Variants in PACRGL observed in about 807,000 individuals in gnomAD.
The protein encoded by PACRGL is PACRG-like protein.
In PACRGL, 38 loss-of-function variants were observed where a neutral mutation model predicts 34.5. The observed-to-expected ratio is 1.10, with a 90% CI of 0.85 to 1.44. PACRGL has a LOEUF of 1.44. Among genes scored for constraint, PACRGL ranks in the 40% most tolerant of loss-of-function variants. PACRGL has a pLI of 0.00. For synonymous variants in PACRGL, 128 were observed against 100.1 expected (o/e 1.28, Z -1.66); for missense variants, 305 against 281.4 (o/e 1.08, Z -0.60).
At chr4:20,705,234 C>T (rs371849989) in intron 3 of PACRGL, among the ~76,000 whole-genome samples, 1 of 152,272 alleles carries the variant, frequency 6.6e-6, no homozygotes, top group African/African-American at 2.4e-5. Flanking sequence ...GTACTAACCT[C>T]CTTTGCCCTC....
Position 20,714,715 on chromosome 4 carries a change from C to T in PACRGL, c.609+1176C>T, listed in dbSNP as rs185135785. On this transcript the variant is annotated intron_variant, in intron 7 of 8. Transcript: ENST00000503585. ...GCCTGGTGGAAATGCAAATCAAAACCACAATGAGATACCATCTCAGACCAA... is the reference window on the plus strand; with the variant it reads ...GCCTGGTGGAAATGCAAATCAAAACTACAATGAGATACCATCTCAGACCAA... Among the ~76,000 whole-genome samples the T allele has an allele frequency of 3.0e-3, 456 of 152,134 alleles. 2 individuals carry two copies. The highest frequency in any genetic ancestry group is 0.01 in the African/African-American group (430 of 41,520).
At chr4:20,764,687 C>CACAA in the PACRGL span, among the ~76,000 whole-genome samples, 14 of 151,174 alleles carry the variant, frequency 9.3e-5, no homozygotes, top group Non-Finnish European at 1.6e-4. Context: ...ATTGGACACA[C>CACAA]ACACACACAC....
downstream of PACRGL, among the ~76,000 whole-genome samples, chr4:20,755,254 A>G (rs1420218216): frequency 1.3e-5 from 2 of 152,180 alleles, no homozygotes; most frequent in African/African-American, 4.8e-5. Flanking sequence ...CGAAAACAAA[A>G]ATTTGTTTTG....
intron 8 of PACRGL, among the ~76,000 whole-genome samples, chr4:20,745,093 A>G (rs1189368044): frequency 1.3e-5 from 2 of 152,274 alleles, no homozygotes; most frequent in African/African-American, 4.8e-5. Context: ...GCTCAACAGG[A>G]GCAATGAATC....
Position 20,712,922 on chromosome 4 carries a change from G to C in PACRGL, c.501G>C (p.Leu167=), listed in dbSNP as rs781638388. The C allele has an allele frequency of 2.6e-6, 4 of 1,548,358 alleles. No homozygotes were observed. The East Asian group carries it at 6.9e-5, about 27-fold the overall frequency. Residue 167 remains leucine, a splice_region_variant and synonymous_variant, in exon 6 of 9, where the codon CTG becomes CTC. Transcript: ENST00000503585. ...TGATTCCTGTGCTAAAGGCAGCTCT[G>C]GTATGTCATTTATTTCATTGTACTT... ...PRLIPVLKAA[L]VHSDDEVFER... is the part of the protein sequence containing the mutation.
chr4:20,749,886 G>A (rs1344852875), intron 8 of PACRGL, among the ~76,000 whole-genome samples: 2 of 152,300 alleles, frequency 1.3e-5, no homozygotes, highest in South Asian at 4.1e-4. Flanking sequence ...TTTCTGTAGA[G>A]GACTAGAGTT....
chr4:20,712,593 C>T (rs1316945495), intron 5 of PACRGL, 195 bp from the exon 6 acceptor site: 2 of 445,250 alleles, frequency 4.5e-6, no homozygotes, highest in East Asian at 3.8e-5. Context: ...AACCAGTTTC[C>T]CTTGGGATAC....
Position 20,730,058 on chromosome 4 carries a change from T to TGGATTCAGGATCTATTTGACAAGTTAA in PACRGL, c.*2718_*2744dup. ...GGTAGAATAGTTCACATTTGTCTGT[T>TGGATTCAGGATCTATTTGACAAGTTAA]GGATTCAGGATCTATTTGACAAGTT... On this transcript the variant is annotated 3_prime_UTR_variant, in exon 9 of 9. Coordinates refer to ENST00000503585, the MANE Select transcript of PACRGL (RefSeq NM_001258345.3). The TGGATTCAGGATCTATTTGACAAGTTAA allele has an allele frequency of 6.2e-7, 1 of 1,601,976 alleles. No individual in the cohort carries two copies. The highest frequency in any genetic ancestry group is 1.3e-5 in the African/African-American group (1 of 74,384).
Position 20,732,202 on chromosome 4 carries a change from C to T in PACRGL, c.*4861C>T. 1.6e-6 allele frequency: 1 copy of T among 639,172 alleles called. No homozygotes were observed. The allele number at this position is 639,172 out of a possible 1,614,324, so 39.6% of individuals were successfully genotyped here. A position where few individuals can be genotyped will look rare whatever the true frequency, so the allele number is the denominator to read the frequency against. On this transcript the variant is annotated 3_prime_UTR_variant, in exon 9 of 9. Coordinates refer to ENST00000503585, the MANE Select transcript of PACRGL (RefSeq NM_001258345.3). ...TTCACGTGGAGGAACTGTTTCAGAG[C>T]AGGAACCAGCAGTTTTTTAGAGATA... is the stretch of plus-strand genomic sequence containing the variant.
chr4:20,701,804 G>A, intron 1 of PACRGL: 1 of 455,762 alleles, frequency 2.2e-6, no homozygotes, highest in Non-Finnish European at 4.4e-6. Flanking sequence ...CCTCCAGTCT[G>A]CTCTCCGTAT....
chr4:20,710,625 A>G (rs969079619), intron 5 of PACRGL, among the ~76,000 whole-genome samples: 1 of 152,124 alleles, frequency 6.6e-6, no homozygotes, highest in Non-Finnish European at 1.5e-5. Context: ...GGTTAATATC[A>G]TTTGCTTTTC....
At chr4:20,698,183 T>A (rs868851313), upstream of PACRGL, among the ~76,000 whole-genome samples, 25 of 152,078 alleles carry the variant, frequency 1.6e-4, no homozygotes, top group South Asian at 2.1e-3. Flanking sequence ...CTGATCAGCA[T>A]CCCAGAGCAA....
chr4:20,718,543 GTTGCTGA>G (rs1359815971), intron 7 of PACRGL, among the ~76,000 whole-genome samples: 1 of 152,130 alleles, frequency 6.6e-6, no homozygotes, highest in African/African-American at 2.4e-5. Context: ...AGCATGAAGG[GTTGCTGA>G]TTTTGACAAA....
At chr4:20,739,312 T>G (rs1265335476) in intron 8 of PACRGL, among the ~76,000 whole-genome samples, 1 of 152,170 alleles carries the variant, frequency 6.6e-6, no homozygotes, top group African/African-American at 2.4e-5. Context: ...CCGAGTAGCA[T>G]AACTGGGAAA....
upstream of PACRGL, among the ~76,000 whole-genome samples, chr4:20,697,373 A>C: frequency 6.6e-6 from 1 of 152,220 alleles, no homozygotes; most frequent in East Asian, 1.9e-4. Flanking sequence ...AATGTAAGTA[A>C]ATAAATAATG....
chr4:20,731,462 A>G lies in PACRGL; in HGVS notation c.*4121A>G, dbSNP rs146831140. 9.7e-4 allele frequency: 951 copies of G among 985,264 alleles called. 11 individuals are homozygous for G. The African/African-American group carries it at 0.016, about 16-fold the overall frequency. 61.0% of individuals were successfully genotyped at this position (985,264 alleles called of 1,614,324 possible). A position where few individuals can be genotyped will look rare whatever the true frequency, so the allele number is the denominator to read the frequency against. On this transcript the variant is annotated 3_prime_UTR_variant, in exon 9 of 9. Coordinates refer to ENST00000503585, the MANE Select transcript of PACRGL (RefSeq NM_001258345.3). Reference sequence around the variant, plus strand: ...CTGGTTTCTTTGATAACAGGCTACTACCTGGAGTTCTCTTCAGAGAAAATT... The same window carrying G: ...CTGGTTTCTTTGATAACAGGCTACTGCCTGGAGTTCTCTTCAGAGAAAATT...
At position 20,729,465 on chromosome 4, in the gene PACRGL, A is replaced by G. The variant is rs1454217437; in HGVS notation, c.*2124A>G. 2 of 131,190 alleles carry G rather than the reference A, an allele frequency of 1.5e-5. No individual in the cohort carries two copies. The highest frequency in any genetic ancestry group is 4.1e-4 in the East Asian group (2 of 4,934). 8.1% of individuals were successfully genotyped at this position (131,190 alleles called of 1,614,324 possible). On this transcript the variant is annotated 3_prime_UTR_variant, in exon 9 of 9. Transcript: ENST00000503585. Reference sequence around the variant, plus strand: ...TATTAGGCATATGCTGATATCTGATAATAAACTAATTTTTAAATGTTTAAT... The same window carrying G: ...TATTAGGCATATGCTGATATCTGATGATAAACTAATTTTTAAATGTTTAAT...
rs1407809319 is a variant in PACRGL at position 20,731,599 on chromosome 4, C to G, written c.*4258C>G. On this transcript the variant is annotated 3_prime_UTR_variant, in exon 9 of 9. Transcript: ENST00000503585. ...TTTTCTCTTAGAAATCAGATAGAAG[C>G]TTGGCCTGTTGTGATGCCATACTTG... 6 of 985,068 alleles carry G rather than the reference C, an allele frequency of 6.1e-6. No individual in the cohort carries two copies. Among genetic ancestry groups the G allele is most frequent in the Non-Finnish European group, 7.2e-6 (6 of 829,774 alleles). The allele number at this position is 985,068 out of a possible 1,614,324, so 61.0% of individuals were successfully genotyped here. A position where few individuals can be genotyped will look rare whatever the true frequency, so the allele number is the denominator to read the frequency against.
intron 8 of PACRGL, among the ~76,000 whole-genome samples, chr4:20,746,273 C>G (rs1262703210): frequency 6.6e-6 from 1 of 151,854 alleles, no homozygotes; most frequent in African/African-American, 2.4e-5. Context: ...ATCATGAGAA[C>G]AGTAAACCAA....
Sources: allele counts gnomAD v4.1 joint callset (sites outside exome capture counted in the v4.1 genomes callset), GRCh38; gene constraint gnomAD v4.1.1; transcripts MANE v1.5; gene names NCBI Gene and HGNC (gene_info 2026-07-23, HGNC 2026-07-21).